Variants in SCRG1 observed in about 807,000 individuals in gnomAD.
SCRG1 encodes stimulator of chondrogenesis 1.
A neutral mutation model predicts 7.7 loss-of-function variants in SCRG1; 3 were observed. The observed-to-expected ratio is 0.39, with a 90% confidence interval of 0.18 to 1.01. The LOEUF is 1.01. Ranked by LOEUF, SCRG1 falls within the 50% of genes least tolerant of loss-of-function variation. SCRG1 has a pLI of 0.36. For synonymous variants in SCRG1, 46 were observed against 41.2 expected (o/e 1.12, Z -0.44); for missense variants, 110 against 117.2 (o/e 0.94, Z 0.28).
At chr4:173,435,527 G>C in the SCRG1 span, among the ~76,000 whole-genome samples, 3 of 152,328 alleles carry the variant, frequency 2.0e-5, no homozygotes, top group Non-Finnish European at 4.4e-5. Context: ...GCTGTTACCT[G>C]TGTGTGAGTC....
chr4:173,507,169 A>T, the SCRG1 span, among the ~76,000 whole-genome samples: 1 of 152,136 alleles, frequency 6.6e-6, no homozygotes, highest in Non-Finnish European at 1.5e-5. The surrounding 1 kb of genome is among the most constrained non-coding windows in gnomAD (Gnocchi z 4.4). Context: ...TACTCCTTGC[A>T]CAAGGTCCGG....
the SCRG1 span, among the ~76,000 whole-genome samples, chr4:173,476,363 A>AAAAATATATATATATAT: frequency 5.1e-5 from 5 of 98,484 alleles, no homozygotes; most frequent in African/African-American, 1.2e-4. Context: ...GGAAAAAAAA[A>AAAAATATATATATATAT]ATATATATAT....
At chr4:173,405,825 T>C (rs1252963149) in intron 1 of SCRG1, among the ~76,000 whole-genome samples, 1 of 152,182 alleles carries the variant, frequency 6.6e-6, no homozygotes, top group East Asian at 1.9e-4. Context: ...TGCTCCAAGC[T>C]CATCTTGTGT....
the SCRG1 span, among the ~76,000 whole-genome samples, chr4:173,445,391 G>T: frequency 6.6e-6 from 1 of 151,802 alleles, no homozygotes; most frequent in Non-Finnish European, 1.5e-5. Context: ...GACCAGCCTG[G>T]CCCAAATGGT....
chr4:173,405,408 G>C (rs564913530), intron 1 of SCRG1, among the ~76,000 whole-genome samples: 2 of 152,116 alleles, frequency 1.3e-5, no homozygotes, highest in African/African-American at 4.8e-5. Flanking sequence ...AGTCGTTTTC[G>C]TTATGTGGCT....
chr4:173,504,478 C>T, the SCRG1 span, among the ~76,000 whole-genome samples: 100 of 152,268 alleles, frequency 6.6e-4, no homozygotes, highest in Middle Eastern at 3.4e-3. The surrounding 1 kb of genome is among the most constrained non-coding windows in gnomAD (Gnocchi z 4.7). Context: ...AAATGTGGGA[C>T]TCCCAGGCAA....
chr4:173,491,434 A>G, the SCRG1 span, among the ~76,000 whole-genome samples: 1 of 152,086 alleles, frequency 6.6e-6, no homozygotes, highest in African/African-American at 2.4e-5. Context: ...CCTGCCACAG[A>G]GTGGGAATGT....
the SCRG1 span, among the ~76,000 whole-genome samples, chr4:173,439,206 C>G: frequency 8.5e-5 from 13 of 152,120 alleles, no homozygotes; most frequent in Admixed American, 8.5e-4. Flanking sequence ...TCCAACGAGT[C>G]AGGAATACCC....
chr4:173,406,006 C>A (rs114701247), intron 1 of SCRG1, among the ~76,000 whole-genome samples: 61 of 152,306 alleles, frequency 4.0e-4, no homozygotes, highest in African/African-American at 1.5e-3. Context: ...ACTGTGTATA[C>A]CAACCTGTGT....
the SCRG1 span, among the ~76,000 whole-genome samples, chr4:173,455,990 C>T: frequency 2.6e-5 from 4 of 152,046 alleles, no homozygotes; most frequent in Admixed American, 2.6e-4. Flanking sequence ...GGATGGAAAC[C>T]ACGAAAAACA....
the SCRG1 span, among the ~76,000 whole-genome samples, chr4:173,506,597 T>A: frequency 2.6e-5 from 4 of 152,200 alleles, no homozygotes; most frequent in Non-Finnish European, 4.4e-5. This position sits in a 1 kb window ranked among gnomAD's most constrained non-coding sequence, Gnocchi z 5.3. Context: ...AATCAGTTCC[T>A]TCCCTCCTGT....
chr4:173,444,893 G>T, the SCRG1 span, among the ~76,000 whole-genome samples: 2 of 152,192 alleles, frequency 1.3e-5, no homozygotes, highest in South Asian at 4.2e-4. Flanking sequence ...CCAAGCTATG[G>T]AAATTAATAA....
the SCRG1 span, among the ~76,000 whole-genome samples, chr4:173,488,493 G>A: frequency 6.6e-6 from 1 of 152,120 alleles, no homozygotes; most frequent in Non-Finnish European, 1.5e-5. Flanking sequence ...TAGAAATAGA[G>A]CGTTCTAAAA....
the SCRG1 span, among the ~76,000 whole-genome samples, chr4:173,462,443 A>G: frequency 6.6e-6 from 1 of 152,358 alleles, no homozygotes; most frequent in East Asian, 1.9e-4. Context: ...CTTGCCCTAA[A>G]ATAGTATATC....
the SCRG1 span, among the ~76,000 whole-genome samples, chr4:173,463,324 A>C: frequency 6.6e-6 from 1 of 152,000 alleles, no homozygotes; most frequent in Admixed American, 6.6e-5. Flanking sequence ...CCCAGGCTGG[A>C]GTGCAGTGCC....
At chr4:173,508,104 AG>A in the SCRG1 span, among the ~76,000 whole-genome samples, 4 of 152,224 alleles carry the variant, frequency 2.6e-5, no homozygotes, top group East Asian at 7.8e-4. The surrounding 1 kb of genome is among the most constrained non-coding windows in gnomAD (Gnocchi z 4.4). Context: ...GCCCGAGAAA[AG>A]CCCTGTCGGC....
upstream of SCRG1, among the ~76,000 whole-genome samples, chr4:173,409,511 C>T (rs1401360449): frequency 6.6e-6 from 1 of 151,952 alleles, no homozygotes; most frequent in Non-Finnish European, 1.5e-5. Flanking sequence ...TGACTCATGT[C>T]CCATTTGAAG....
the SCRG1 span, among the ~76,000 whole-genome samples, chr4:173,483,309 TATTACATATCA>T: frequency 3.2e-5 from 1 of 31,210 alleles, no homozygotes; most frequent in Middle Eastern, 0.023. Flanking sequence ...ATATATTATA[TATTACATATCA>T]TATATTATAT....
At chr4:173,455,834 C>A in the SCRG1 span, among the ~76,000 whole-genome samples, 675 of 152,088 alleles carry the variant, frequency 4.4e-3, 3 homozygotes, top group Non-Finnish European at 7.8e-3. Context: ...GTAAGGTGAC[C>A]CAAGCCACGT....
Sources: gnomAD v4.1 joint callset for allele counts (sites outside exome capture counted in the v4.1 genomes callset) on GRCh38, gnomAD v4.1.1 for gene constraint, Gnocchi (gnomAD v3.1) non-coding constraint, MANE v1.5 for transcripts, NCBI Gene and HGNC (gene_info 2026-07-23, HGNC 2026-07-21) for gene names.